SEPTIN10: variants seen among roughly 807,000 people sequenced by gnomAD.
SEPTIN10 encodes the protein septin 10, also known as septin-10.
A neutral mutation model predicts 54.8 loss-of-function variants in SEPTIN10; 66 were observed. That is an observed-to-expected ratio of 1.21 (90% confidence interval 0.99 to 1.48). The LOEUF is 1.48. Ranked by LOEUF, SEPTIN10 falls within the 40% of genes most tolerant of loss-of-function variation. SEPTIN10 has a pLI of 0.00. For missense variants in SEPTIN10, 620 were observed against 545.6 expected (o/e 1.14, Z -1.36); for synonymous variants, 161 against 181.0 (o/e 0.89, Z 0.89).
intron 1 of SEPTIN10, 122 bp downstream of exon 1, chr2:109,613,676 G>A: frequency 1.6e-6 from 1 of 639,352 alleles, no homozygotes; most frequent in Non-Finnish European, 2.2e-6. Context: ...CTGGGCGGGC[G>A]GGGCCGGAGG....
At chr2:109,544,993 T>C in intron 10 of SEPTIN10, 1 of 985,430 alleles carries the variant, frequency 1.0e-6, no homozygotes, top group South Asian at 4.7e-5. Context: ...GCCAAAGTCC[T>C]GTGGTTTACT....
intron 5 of SEPTIN10, among the ~76,000 whole-genome samples, chr2:109,570,071 A>G (rs1374575994): frequency 6.6e-6 from 1 of 152,220 alleles, no homozygotes; most frequent in Non-Finnish European, 1.5e-5. Context: ...GGCCAAATCA[A>G]GTAATTTCAG....
intron 4 of SEPTIN10, among the ~76,000 whole-genome samples, chr2:109,581,178 G>A (rs1180868059): frequency 5.3e-5 from 8 of 152,144 alleles, no homozygotes; most frequent in Admixed American, 6.5e-5. Flanking sequence ...GGTGGCTCAC[G>A]CCTGTAATCC....
At chr2:109,557,159 T>C (rs1471879552) in intron 8 of SEPTIN10, among the ~76,000 whole-genome samples, 1 of 151,916 alleles carries the variant, frequency 6.6e-6, no homozygotes, top group Non-Finnish European at 1.5e-5. Context: ...ACCCTAGAAC[T>C]TAAAGTATAA....
intron 5 of SEPTIN10, among the ~76,000 whole-genome samples, chr2:109,573,636 G>C (rs1375336525): frequency 6.6e-6 from 1 of 152,112 alleles, no homozygotes; most frequent in Non-Finnish European, 1.5e-5. Context: ...GAACAACCTT[G>C]GATTTTTAAT....
At chr2:109,552,093 C>A (rs933153639) in intron 9 of SEPTIN10, among the ~76,000 whole-genome samples, 1 of 151,900 alleles carries the variant, frequency 6.6e-6, no homozygotes, top group Admixed American at 6.6e-5. Flanking sequence ...GGAGCACAAA[C>A]CCTATTGCAA....
At chr2:109,547,815 T>C (rs575862662) in intron 9 of SEPTIN10, among the ~76,000 whole-genome samples, 134 of 152,300 alleles carry the variant, frequency 8.8e-4, no homozygotes, top group African/African-American at 3.2e-3. Flanking sequence ...AAGCACTCGA[T>C]AAATATTAGC....
chr2:109,564,635 A>G (rs1686531720), intron 7 of SEPTIN10, 101 bp from the exon 8 acceptor site: 2 of 1,019,816 alleles, frequency 2.0e-6, no homozygotes, highest in African/African-American at 3.2e-5. Context: ...CATGTGAAAC[A>G]ACAAATAGCA....
Position 109,545,319 on chromosome 2 carries a change from G to A in SEPTIN10, c.1349+731C>T, listed in dbSNP as rs1443246552. ...AAAACAAGGGACACAAAGTACAGAA[G>A]GAAATTATCAAAAAGGAAAAATAAA... On this transcript the variant is annotated intron_variant, in intron 10 of 10. Transcript: ENST00000397712. 4.7e-6 allele frequency: 7 copies of A among 1,479,288 alleles called. No homozygotes were observed. In the Admixed American group the frequency reaches 8.9e-5, roughly 19 times the overall value. 91.6% of individuals were successfully genotyped at this position (1,479,288 alleles called of 1,614,324 possible).
At chr2:109,585,638 A>T (rs1692318642) in intron 3 of SEPTIN10, 83 bp downstream of exon 3, 1 of 913,198 alleles carries the variant, frequency 1.1e-6, no homozygotes, top group Non-Finnish European at 1.8e-6. Flanking sequence ...TGATAACATG[A>T]GCATTGTTCT....
At chr2:109,566,222 G>A (rs1316788855) in intron 6 of SEPTIN10, among the ~76,000 whole-genome samples, 2 of 152,058 alleles carry the variant, frequency 1.3e-5, no homozygotes, top group African/African-American at 2.4e-5. Flanking sequence ...CTGGGTTCCA[G>A]TGATTCTCCT....
At chr2:109,581,306 G>A (rs1182577275) in intron 4 of SEPTIN10, among the ~76,000 whole-genome samples, 2 of 151,828 alleles carry the variant, frequency 1.3e-5, no homozygotes, top group South Asian at 2.1e-4. Context: ...GTGTCATAGC[G>A]GGCACCTGTA....
At chr2:109,577,268 T>C (rs1558799244) in intron 4 of SEPTIN10, among the ~76,000 whole-genome samples, 3 of 152,152 alleles carry the variant, frequency 2.0e-5, no homozygotes, top group African/African-American at 7.2e-5. Context: ...AATAAACATA[T>C]ACTGGCCATA....
At chr2:109,565,613 G>A (rs374584612) in intron 7 of SEPTIN10, 150 bp downstream of exon 7, 31 of 666,934 alleles carry the variant, frequency 4.6e-5, no homozygotes, top group Admixed American at 2.2e-4. Flanking sequence ...GGCTCTACAC[G>A]GCCTCCAGAC....
chr2:109,545,065 T>C (rs901554114), intron 10 of SEPTIN10: 26 of 985,302 alleles, frequency 2.6e-5, no homozygotes, highest in Non-Finnish European at 2.8e-5. Context: ...TATTTTAAAG[T>C]TGAGTTGCAA....
chr2:109,589,747 C>T (rs1693496700), intron 2 of SEPTIN10, among the ~76,000 whole-genome samples: 1 of 151,872 alleles, frequency 6.6e-6, no homozygotes, highest in African/African-American at 2.4e-5. Flanking sequence ...AAAAAAAACC[C>T]GCTTGGAGGT....
intron 8 of SEPTIN10, among the ~76,000 whole-genome samples, chr2:109,563,880 C>A (rs906115443): frequency 5.3e-5 from 8 of 151,942 alleles, no homozygotes; most frequent in African/African-American, 1.9e-4. Context: ...CAAAGCTTTG[C>A]GAGGCTGAGG....
At chr2:109,593,165 C>A (rs749807752) in intron 1 of SEPTIN10, 46 bp from the exon 2 acceptor site, 1 of 1,245,408 alleles carries the variant, frequency 8.0e-7, no homozygotes, top group Non-Finnish European at 1.1e-6. Flanking sequence ...AAACATTACT[C>A]CCCAAACCCC....
intron 1 of SEPTIN10, among the ~76,000 whole-genome samples, chr2:109,608,530 A>C (rs892321499): frequency 6.6e-6 from 1 of 152,222 alleles, no homozygotes; most frequent in African/African-American, 2.4e-5. Context: ...TCTTAGGCTG[A>C]AACTAGTGAG....
Sources: gnomAD v4.1 joint callset for allele counts (sites outside exome capture counted in the v4.1 genomes callset) on GRCh38, gnomAD v4.1.1 for gene constraint, MANE v1.5 for transcripts, NCBI Gene and HGNC (gene_info 2026-07-23, HGNC 2026-07-21) for gene names.